CNTN5: variants seen among roughly 807,000 people sequenced by gnomAD.
The protein encoded by CNTN5 is contactin-5.
CNTN5 carries 77 observed loss-of-function variants against 129.1 expected under a neutral mutation model. The ratio of observed to expected loss-of-function variants is 0.60; its 90% CI spans 0.50 to 0.72. The LOEUF (loss-of-function observed/expected upper bound fraction) is 0.72. CNTN5 is among the 30% of genes least tolerant of loss of function. The pLI, the probability that CNTN5 is intolerant of heterozygous loss-of-function variation, is 0.00. For synonymous variants in CNTN5, 509 were observed against 465.6 expected (o/e 1.09, Z -1.20); for missense variants, 1,478 against 1,328.8 (o/e 1.11, Z -1.75).
chr11:99,259,689 G>C (rs1301427153), intron 1 of CNTN5, among the ~76,000 whole-genome samples: 1 of 151,644 alleles, frequency 6.6e-6, no homozygotes, highest in East Asian at 1.9e-4. Context: ...TGTTTTATGT[G>C]CCTGTGGAAA....
intron 1 of CNTN5, among the ~76,000 whole-genome samples, chr11:99,227,275 A>T (rs996468023): frequency 2.0e-5 from 3 of 151,762 alleles, no homozygotes; most frequent in African/African-American, 7.3e-5. Context: ...CAGGAGAATC[A>T]CTTGAACCCA....
At chr11:100,112,454 G>T (rs1467702062) in intron 13 of CNTN5, among the ~76,000 whole-genome samples, 1 of 152,038 alleles carries the variant, frequency 6.6e-6, no homozygotes, top group African/African-American at 2.4e-5. Flanking sequence ...ATGAATTAAT[G>T]ATATTAACTA....
chr11:99,563,135 A>C (rs559154423), intron 3 of CNTN5, among the ~76,000 whole-genome samples: 1 of 152,312 alleles, frequency 6.6e-6, no homozygotes, highest in Non-Finnish European at 1.5e-5. Flanking sequence ...GAAAGAAGGA[A>C]AGCAAAACAT....
intron 1 of CNTN5, among the ~76,000 whole-genome samples, chr11:99,097,560 A>T (rs1010833465): frequency 2.0e-5 from 3 of 151,970 alleles, no homozygotes; most frequent in Non-Finnish European, 2.9e-5. Context: ...ATTTACAGAG[A>T]TAATAAATTT....
chr11:100,142,509 A>G (rs1034037475), intron 13 of CNTN5, among the ~76,000 whole-genome samples: 1 of 152,138 alleles, frequency 6.6e-6, no homozygotes, highest in Non-Finnish European at 1.5e-5. Context: ...CAAATAGAAA[A>G]TTTCGCACTT....
intron 13 of CNTN5, among the ~76,000 whole-genome samples, chr11:100,094,906 C>T (rs955640819): frequency 1.3e-5 from 2 of 151,926 alleles, no homozygotes; most frequent in Non-Finnish European, 2.9e-5. Context: ...TGTTGCTCAC[C>T]TTGTATAAGT....
chr11:99,556,423 C>T (rs1057008540), intron 3 of CNTN5, among the ~76,000 whole-genome samples, 154 bp downstream of exon 3: 22 of 150,396 alleles, frequency 1.5e-4, no homozygotes, highest in South Asian at 4.2e-4. Flanking sequence ...ACCCTTAAGC[C>T]GCTGTTAACA....
intron 2 of CNTN5, among the ~76,000 whole-genome samples, chr11:99,527,151 A>G (rs1947517989): frequency 6.6e-6 from 1 of 152,224 alleles, no homozygotes; most frequent in Non-Finnish European, 1.5e-5. Context: ...CTTTTGGGCT[A>G]AATGCCTCTC....
intron 10 of CNTN5, among the ~76,000 whole-genome samples, chr11:100,062,763 T>C (rs1052884176): frequency 6.6e-6 from 1 of 152,204 alleles, no homozygotes; most frequent in Non-Finnish European, 1.5e-5. Context: ...ATATTAGTAG[T>C]GGTTTGATTG....
At chr11:99,975,277 T>G (rs1165744988) in intron 8 of CNTN5, among the ~76,000 whole-genome samples, 5 of 152,078 alleles carry the variant, frequency 3.3e-5, no homozygotes, top group Non-Finnish European at 7.4e-5. Flanking sequence ...TCATTGGAGA[T>G]TATTTTGGAG....
At chr11:99,296,113 T>C (rs1339405595) in intron 1 of CNTN5, among the ~76,000 whole-genome samples, 1 of 151,994 alleles carries the variant, frequency 6.6e-6, no homozygotes, top group African/African-American at 2.4e-5. Context: ...AAGGAAAAAA[T>C]ATTCAAAGAT....
At chr11:100,044,092 GTA>G (rs1222028944) in intron 9 of CNTN5, among the ~76,000 whole-genome samples, 27 of 116,110 alleles carry the variant, frequency 2.3e-4, no homozygotes, top group African/African-American at 8.8e-4. Context: ...ATTCCACAGT[GTA>G]TATATACACA....
chr11:99,829,119 C>A (rs1565579137), intron 4 of CNTN5, among the ~76,000 whole-genome samples: 3 of 152,038 alleles, frequency 2.0e-5, no homozygotes, highest in Non-Finnish European at 4.4e-5. Context: ...TAGCTCTGTT[C>A]TTTTGAAGAT....
At chr11:99,483,396 G>C (rs1002204834) in intron 2 of CNTN5, among the ~76,000 whole-genome samples, 1 of 152,018 alleles carries the variant, frequency 6.6e-6, no homozygotes, top group Non-Finnish European at 1.5e-5. Context: ...GGAGTTGTGC[G>C]CATGCTCACT....
chr11:99,209,671 A>G (rs1243012160), intron 1 of CNTN5, among the ~76,000 whole-genome samples: 1 of 152,182 alleles, frequency 6.6e-6, no homozygotes, highest in African/African-American at 2.4e-5. Context: ...TCTTGGTATT[A>G]TCTATATTCT....
chr11:99,384,971 A>G (rs759192798), intron 2 of CNTN5, among the ~76,000 whole-genome samples: 2 of 152,190 alleles, frequency 1.3e-5, no homozygotes, highest in Non-Finnish European at 2.9e-5. Flanking sequence ...TTAAATGGCA[A>G]TGTATTGATT....
chr11:100,349,663 C>A (rs747670238), intron 23 of CNTN5, among the ~76,000 whole-genome samples: 1 of 151,714 alleles, frequency 6.6e-6, no homozygotes, highest in Non-Finnish European at 1.5e-5. Flanking sequence ...GAATACAAAG[C>A]CATTTTTCTT....
At chr11:99,574,917 A>G (rs1949295326) in intron 3 of CNTN5, among the ~76,000 whole-genome samples, 1 of 152,160 alleles carries the variant, frequency 6.6e-6, no homozygotes, top group Non-Finnish European at 1.5e-5. Context: ...CTTTAGTCAG[A>G]AATGACTTCT....
At chr11:100,351,299 C>A (rs1952405958) in intron 24 of CNTN5, among the ~76,000 whole-genome samples, 1 of 151,378 alleles carries the variant, frequency 6.6e-6, no homozygotes, top group African/African-American at 2.4e-5. Context: ...TTATTGATTT[C>A]TAAACAAATT....
Sources: gnomAD v4.1 joint callset for allele counts (sites outside exome capture counted in the v4.1 genomes callset) on GRCh38, gnomAD v4.1.1 for gene constraint, MANE v1.5 for transcripts, NCBI Gene and HGNC (gene_info 2026-07-23, HGNC 2026-07-21) for gene names.